Variants in DOCK2 observed in about 807,000 individuals in gnomAD.
The protein encoded by DOCK2 is dedicator of cytokinesis protein 2.
DOCK2 carries 87 observed loss-of-function variants against 248.9 expected under a neutral mutation model. That is an observed-to-expected ratio of 0.35 (90% CI 0.29 to 0.42). The LOEUF (loss-of-function observed/expected upper bound fraction) is 0.42. Ranked by LOEUF, DOCK2 falls within the 10% of genes least tolerant of loss-of-function variation. DOCK2 has a pLI of 1.00. For synonymous variants in DOCK2, 805 were observed against 821.6 expected, an observed-to-expected ratio of 0.98 and a Z score of 0.35; for missense variants, 1,747 against 2,300.2, an observed-to-expected ratio of 0.76 and a Z score of 4.92.
chr5:169,879,450 G>T (rs141811009), intron 27 of DOCK2, among the ~76,000 whole-genome samples: 1 of 152,126 alleles, frequency 6.6e-6, no homozygotes, highest in African/African-American at 2.4e-5. Flanking sequence ...TTAATTGCCC[G>T]TTCCCTTGCA....
At chr5:169,897,980 A>G (rs1230485128) in intron 27 of DOCK2, among the ~76,000 whole-genome samples, 7 of 152,220 alleles carry the variant, frequency 4.6e-5, no homozygotes, top group African/African-American at 1.7e-4. Flanking sequence ...GAGCAATCAA[A>G]TCACTTTTTA....
chr5:169,738,134 G>A (rs1012779211), intron 22 of DOCK2, among the ~76,000 whole-genome samples: 5 of 152,144 alleles, frequency 3.3e-5, no homozygotes, highest in Non-Finnish European at 5.9e-5. Context: ...ATAGACTCTC[G>A]CACATTTGTT....
At chr5:169,892,771 A>G (rs552617135) in intron 27 of DOCK2, among the ~76,000 whole-genome samples, 2 of 152,340 alleles carry the variant, frequency 1.3e-5, no homozygotes, top group Admixed American at 6.5e-5. Flanking sequence ...CACAGAGGAC[A>G]GTAGAGTGAA....
chr5:169,971,839 G>T (rs938949082), intron 27 of DOCK2, among the ~76,000 whole-genome samples: 1 of 152,222 alleles, frequency 6.6e-6, no homozygotes. Flanking sequence ...AATATCTCTC[G>T]TAGTTACCCA....
intron 1 of DOCK2, among the ~76,000 whole-genome samples, chr5:169,652,202 C>T (rs1490735495): frequency 6.6e-6 from 1 of 152,228 alleles, no homozygotes; most frequent in Non-Finnish European, 1.5e-5. Flanking sequence ...AGATATCCTT[C>T]CTCTGGTGGG....
chr5:169,669,189 T>C, intron 2 of DOCK2, 99 bp from the exon 3 acceptor site: 2 of 1,431,118 alleles, frequency 1.4e-6, no homozygotes, highest in Non-Finnish European at 2.0e-6. Flanking sequence ...CAATTTGCAG[T>C]AGTTTTACTA....
intron 25 of DOCK2, among the ~76,000 whole-genome samples, chr5:169,792,233 T>C (rs1037752626): frequency 6.6e-6 from 1 of 152,136 alleles, no homozygotes; most frequent in Admixed American, 6.5e-5. Flanking sequence ...GAATTGGAAA[T>C]GGTGTCAAAG....
intron 1 of DOCK2, 79 bp from the exon 2 acceptor site, chr5:169,654,324 G>A (rs1348698210): frequency 1.3e-6 from 2 of 1,534,802 alleles, no homozygotes; most frequent in Non-Finnish European, 1.8e-6. Context: ...GGATGGACTT[G>A]AGGCAGGGAA....
chr5:169,644,462 G>A (rs1223760598), intron 1 of DOCK2, among the ~76,000 whole-genome samples: 1 of 152,050 alleles, frequency 6.6e-6, no homozygotes, highest in Non-Finnish European at 1.5e-5. Flanking sequence ...GTGGGTATGA[G>A]AAGGAGAGAG....
At chr5:170,022,732 C>T (rs533887170) in intron 33 of DOCK2, among the ~76,000 whole-genome samples, 1 of 152,250 alleles carries the variant, frequency 6.6e-6, no homozygotes, top group South Asian at 2.1e-4. Flanking sequence ...ATTACCTGCT[C>T]ATAGGTCTGT....
At chr5:169,972,583 A>T (rs1226002755) in intron 27 of DOCK2, among the ~76,000 whole-genome samples, 3 of 47,732 alleles carry the variant, frequency 6.3e-5, no homozygotes, top group African/African-American at 2.6e-4. Context: ...ATAGATAGAT[A>T]GATGATAGAT....
rs115907674 is a variant in DOCK2, at chr5:169,739,029, C to A, written c.2268-8367C>A. ...AATTTCAAAACAAAGAGTTTTATTG[C>A]ACATGCATTTTTAAAACTGGCACCA... On this transcript the variant is annotated intron_variant, in intron 22 of 51. Transcript: ENST00000520908. Among the ~76,000 whole-genome samples, 652 of 152,272 alleles carry A rather than the reference C, an allele frequency of 4.3e-3. 2 individuals carry two copies. Among genetic ancestry groups the A allele is most frequent in the African/African-American group, 0.015 (623 of 41,540 alleles).
intron 22 of DOCK2, among the ~76,000 whole-genome samples, chr5:169,724,224 C>T (rs77733321): frequency 6.6e-6 from 1 of 152,282 alleles, no homozygotes; most frequent in East Asian, 1.9e-4. Context: ...CACATGGCTC[C>T]TTGGGTTTCA....
chr5:169,758,063 A>ATT (rs141321312), intron 23 of DOCK2, among the ~76,000 whole-genome samples: 20,560 of 151,968 alleles, frequency 0.14, 2,334 homozygotes, highest in Admixed American at 0.29. Flanking sequence ...TACAAACAGT[A>ATT]TTTTTTTTAC....
At chr5:169,845,054 G>A (rs1289273300) in intron 27 of DOCK2, among the ~76,000 whole-genome samples, 2 of 151,340 alleles carry the variant, frequency 1.3e-5, no homozygotes, top group African/African-American at 4.9e-5. Context: ...TGTCTCTCAG[G>A]AATCTCAAAT....
intron 27 of DOCK2, among the ~76,000 whole-genome samples, chr5:169,931,880 T>A (rs553198907): frequency 6.6e-6 from 1 of 152,324 alleles, no homozygotes; most frequent in African/African-American, 2.4e-5. Flanking sequence ...CCCTTCTCTA[T>A]GTTCCTCTTT....
At chr5:169,715,602 TTTTTTTA>T (rs1159398268) in intron 19 of DOCK2, among the ~76,000 whole-genome samples, 1 of 151,952 alleles carries the variant, frequency 6.6e-6, no homozygotes, top group African/African-American at 2.4e-5. Flanking sequence ...TTTCTTTTTT[TTTTTTTA>T]AAAAAGTTTG....
At chr5:169,956,702 C>T (rs1776881465) in intron 27 of DOCK2, among the ~76,000 whole-genome samples, 1 of 152,166 alleles carries the variant, frequency 6.6e-6, no homozygotes, top group Non-Finnish European at 1.5e-5. Flanking sequence ...TTAAATTCAC[C>T]TGTTTATAAA....
chr5:170,070,973 G>A (rs548478340), intron 46 of DOCK2, among the ~76,000 whole-genome samples: 20 of 152,232 alleles, frequency 1.3e-4, no homozygotes, highest in African/African-American at 3.9e-4. Flanking sequence ...TTAGCTAGGC[G>A]CCTTCAGACA....
Sources: gnomAD v4.1 joint callset for allele counts (sites outside exome capture counted in the v4.1 genomes callset) on GRCh38, gnomAD v4.1.1 for gene constraint, MANE v1.5 for transcripts, NCBI Gene and HGNC (gene_info 2026-07-23, HGNC 2026-07-21) for gene names.